ADHFE1: variants seen among roughly 807,000 people sequenced by gnomAD.
ADHFE1 encodes the protein hydroxyacid-oxoacid transhydrogenase, mitochondrial.
ADHFE1 carries 37 observed loss-of-function variants against 54.8 expected under a neutral mutation model. The observed-to-expected ratio is 0.68, with a 90% CI of 0.52 to 0.89. The LOEUF (loss-of-function observed/expected upper bound fraction) is 0.89, where lower values mean the gene tolerates loss of function less well. Among genes scored for constraint, ADHFE1 ranks in the 40% least tolerant of loss-of-function variants. ADHFE1 has a pLI of 0.00. For missense variants in ADHFE1, 601 were observed against 591.2 expected, an observed-to-expected ratio of 1.02 and a Z score of -0.17; for synonymous variants, 203 against 229.3, an observed-to-expected ratio of 0.89 and a Z score of 1.04.
intron 13 of ADHFE1, among the ~76,000 whole-genome samples, chr8:66,466,783 G>A (rs560734812): frequency 6.6e-6 from 1 of 152,312 alleles, no homozygotes; most frequent in East Asian, 1.9e-4. Flanking sequence ...CAGCCAGGGT[G>A]TTGGGAAGGT....
chr8:66,445,148 C>T (rs1468961214), intron 5 of ADHFE1, 70 bp from the exon 6 acceptor site: 11 of 1,417,572 alleles, frequency 7.8e-6, no homozygotes, highest in African/African-American at 2.9e-5. Flanking sequence ...TACCCCAAGC[C>T]TTAGTTAATG....
chr8:66,432,543 C>A lies in ADHFE1; in HGVS notation c.27C>A (p.Val9=), dbSNP rs759041339. 2 of 1,356,542 alleles carry A rather than the reference C, an allele frequency of 1.5e-6. No homozygotes were observed. Among genetic ancestry groups the A allele is most frequent in the Non-Finnish European group, 9.6e-7 (1 of 1,043,888 alleles). The allele number at this position is 1,356,542 out of a possible 1,614,324, so 84.0% of individuals were successfully genotyped here. A position where few individuals can be genotyped will look rare whatever the true frequency, so the allele number is the denominator to read the frequency against. Residue 9 remains valine, a synonymous_variant, in exon 1 of 14, where the codon GTC becomes GTA. Transcript: ENST00000396623. MAAAARAR[V]AYLLRQLQRA... Reference sequence around the variant, plus strand: ...TGGCCGCTGCCGCCCGAGCCCGGGTCGCGTACTTGCTGAGGCAACTGCAAC... The same window carrying A: ...TGGCCGCTGCCGCCCGAGCCCGGGTAGCGTACTTGCTGAGGCAACTGCAAC...
rs1807308721 is a variant in ADHFE1, at chr8:66,468,327, T to C, written c.1379T>C (p.Phe460Ser). 4 of 1,613,366 alleles carry C rather than the reference T, an allele frequency of 2.5e-6. No individual in the cohort carries two copies. Among genetic ancestry groups the C allele is most frequent in the Non-Finnish European group, 3.4e-6 (4 of 1,179,624 alleles). The change falls in exon 14 of 14, where the codon TTT becomes TCT. Residue 460 changes from phenylalanine to serine, a missense_variant. By Grantham distance (155) the Phe-to-Ser change is radical. Transcript: ENST00000396623. Reference protein sequence around the residue: ...PQSEEDLAALFEASMKLY With the variant: ...PQSEEDLAALSEASMKLY ...TCAGAAGAGGATCTGGCTGCTCTGT[T>C]TGAAGCTTCAATGAAACTGTATTAA...
chr8:66,457,644 G>C (rs1052430891), intron 12 of ADHFE1, among the ~76,000 whole-genome samples: 1 of 152,144 alleles, frequency 6.6e-6, no homozygotes, highest in East Asian at 1.9e-4. Context: ...GGGCAACATA[G>C]TGAGATCCTG....
intron 3 of ADHFE1, among the ~76,000 whole-genome samples, chr8:66,443,264 ATTTTTTTTTT>A (rs540464621): frequency 3.9e-4 from 34 of 86,094 alleles, no homozygotes; most frequent in African/African-American, 9.9e-4. Context: ...TAGTCCAGGA[ATTTTTTTTTT>A]TTTTTTTTTT....
chr8:66,444,310 A>G, intron 3 of ADHFE1, 57 bp from the exon 4 acceptor site: 1 of 1,547,304 alleles, frequency 6.5e-7, no homozygotes, highest in Non-Finnish European at 8.9e-7. Context: ...GGTTTTTAGA[A>G]ATGGACTGGC....
At chr8:66,434,887 G>C (rs1423867368) in intron 1 of ADHFE1, among the ~76,000 whole-genome samples, 1 of 151,946 alleles carries the variant, frequency 6.6e-6, no homozygotes, top group East Asian at 1.9e-4. Context: ...GCTGAGGCAG[G>C]AGAATCACTT....
At chr8:66,468,005 A>G (rs1586502348) in intron 13 of ADHFE1, among the ~76,000 whole-genome samples, 2 of 152,164 alleles carry the variant, frequency 1.3e-5, no homozygotes, top group East Asian at 3.8e-4. Context: ...TGTTTTCCCC[A>G]AGATTGGTTT....
intron 1 of ADHFE1, chr8:66,432,961 A>G: frequency 1.0e-6 from 1 of 975,306 alleles, no homozygotes; most frequent in Non-Finnish European, 1.2e-6. Flanking sequence ...CTGGGGATAC[A>G]AAGATGAAAG....
In ADHFE1 at chr8:66,439,351, C is replaced by G; in HGVS notation, c.60-811C>G. Reference sequence around the variant, plus strand: ...AAACATAAAACCGTCTTCCCAGCCTCGATCAGAGAGCGAGCAGGAGAAAGA... The same window carrying G: ...AAACATAAAACCGTCTTCCCAGCCTGGATCAGAGAGCGAGCAGGAGAAAGA... On this transcript the variant is annotated intron_variant, in intron 1 of 13. Transcript: ENST00000396623. The surrounding 1 kb of genome is among the most constrained non-coding windows in gnomAD (Gnocchi z 4.4). 1.0e-6 allele frequency: 1 copy of G among 985,732 alleles called. No homozygotes were observed. Among genetic ancestry groups the G allele is most frequent in the Non-Finnish European group, 1.2e-6 (1 of 830,214 alleles). The allele number at this position is 985,732 out of a possible 1,614,324, so 61.1% of individuals were successfully genotyped here.
intron 13 of ADHFE1, among the ~76,000 whole-genome samples, chr8:66,466,432 T>A (rs1204387151): frequency 6.6e-6 from 1 of 152,086 alleles, no homozygotes; most frequent in Non-Finnish European, 1.5e-5. Context: ...TCCTAAAGAT[T>A]TTTCCCTAAT....
intron 13 of ADHFE1, 98 bp from the exon 14 acceptor site, chr8:66,468,171 T>G: frequency 3.6e-6 from 3 of 835,808 alleles, no homozygotes; most frequent in Non-Finnish European, 5.7e-6. Context: ...GTTTATCAAG[T>G]CATTGATTCT....
At position 66,468,397 on chromosome 8, in the gene ADHFE1, G is replaced by T. The variant is rs761601202; in HGVS notation, c.*45G>T. On this transcript the variant is annotated 3_prime_UTR_variant, in exon 14 of 14. Coordinates refer to ENST00000396623, the MANE Select transcript of ADHFE1 (RefSeq NM_144650.3). ...AATTACCGCTGGCCATTGTAGTGCTGAGAGCAAGAGCTGATCTAGCTAGGG... is the reference window on the plus strand; with the variant it reads ...AATTACCGCTGGCCATTGTAGTGCTTAGAGCAAGAGCTGATCTAGCTAGGG... The T allele has an allele frequency of 1.2e-5, 18 of 1,519,322 alleles. No individual in the cohort carries two copies. The East Asian group carries it at 4.1e-4, about 35-fold the overall frequency. 94.1% of individuals were successfully genotyped at this position (1,519,322 alleles called of 1,614,324 possible). A position where few individuals can be genotyped will look rare whatever the true frequency, so the allele number is the denominator to read the frequency against.
At position 66,452,072 on chromosome 8, in the gene ADHFE1, A is replaced by T. The variant is rs1317181825; in HGVS notation, c.854A>T (p.His285Leu). The change falls in exon 9 of 14, where the codon CAC becomes CTC. Residue 285 changes from histidine (H) to leucine (L), a missense_variant. Transcript: ENST00000396623. ...CCAATCAGTGACATTTGGGCTATCC[A>T]CGCGCTGCGGATCGTGGCTAAGTAT... is the stretch of plus-strand genomic sequence containing the variant. ...SNPISDIWAIHALRIVAKYLK... is the reference protein window; with the variant it reads ...SNPISDIWAILALRIVAKYLK... 1 of 1,614,166 alleles carries T rather than the reference A, an allele frequency of 6.2e-7. No individual in the cohort carries two copies. The highest frequency in any genetic ancestry group is 1.7e-5 in the Admixed American group (1 of 60,018).
intron 10 of ADHFE1, 90 bp from the exon 11 acceptor site, chr8:66,456,727 G>A (rs533214082): frequency 5.8e-5 from 55 of 951,110 alleles, no homozygotes; most frequent in Middle Eastern, 4.3e-4. Context: ...TCTAGAGGCC[G>A]TGACAGGCAT....
chr8:66,464,631 T>C (rs1461262529), intron 13 of ADHFE1, among the ~76,000 whole-genome samples: 1 of 152,170 alleles, frequency 6.6e-6, no homozygotes, highest in East Asian at 1.9e-4. Context: ...CTCATAGGCA[T>C]TGTCCCTCAC....
Position 66,448,936 on chromosome 8 carries a change from C to G in ADHFE1, c.700C>G (p.Arg234Gly). 6.2e-7 allele frequency: 1 copy of G among 1,614,150 alleles called. No individual in the cohort carries two copies. The highest frequency in any genetic ancestry group is 2.2e-5 in the East Asian group (1 of 44,876). ...TCTGCACACCCTCCACATGCCTGCCCGAGTGGTCGCCAACAGTGGCTTTGA... is the reference window on the plus strand; with the variant it reads ...TCTGCACACCCTCCACATGCCTGCCGGAGTGGTCGCCAACAGTGGCTTTGA... ...DPLHTLHMPA[R>G]VVANSGFDVL... is the part of the protein sequence containing the mutation. Residue 234 changes from arginine (R) to glycine (G), a missense_variant, in exon 8 of 14, where the codon CGA becomes GGA. Coordinates refer to ENST00000396623, the MANE Select transcript of ADHFE1 (RefSeq NM_144650.3).
chr8:66,438,838 G>T (rs1474280302), intron 1 of ADHFE1, among the ~76,000 whole-genome samples: 1 of 149,214 alleles, frequency 6.7e-6, no homozygotes, highest in Non-Finnish European at 1.5e-5. Context: ...TAGAAATAAT[G>T]AATTGAGATA....
intron 1 of ADHFE1, among the ~76,000 whole-genome samples, chr8:66,438,274 C>G (rs1805564950): frequency 6.6e-6 from 1 of 152,068 alleles, no homozygotes; most frequent in South Asian, 2.1e-4. Flanking sequence ...CCCAGGAAAA[C>G]TGGGTGGGCT....
Sources: gnomAD v4.1 joint callset for allele counts (sites outside exome capture counted in the v4.1 genomes callset) on GRCh38, gnomAD v4.1.1 for gene constraint, Gnocchi (gnomAD v3.1) non-coding constraint, MANE v1.5 for transcripts, NCBI Gene and HGNC (gene_info 2026-07-23, HGNC 2026-07-21) for gene names.